Variants in TUBB8 observed in about 807,000 individuals in gnomAD.
TUBB8 encodes the protein tubulin beta-8 chain.
Under a neutral mutation model 33.7 loss-of-function variants are expected in TUBB8, and 25 were observed. The ratio of observed to expected loss-of-function variants is 0.74; its 90% CI spans 0.54 to 1.04. The LOEUF (loss-of-function observed/expected upper bound fraction) is 1.04, where lower values mean the gene tolerates loss of function less well. Ranked by LOEUF, TUBB8 falls within the 50% of genes least tolerant of loss-of-function variation. The pLI, the probability that TUBB8 is intolerant of heterozygous loss-of-function variation, is 0.00. For synonymous variants in TUBB8, 245 were observed against 240.1 expected, an observed-to-expected ratio of 1.02 and a Z score of -0.19; for missense variants, 279 against 608.0, an observed-to-expected ratio of 0.46 and a Z score of 5.69.
intron 1 of TUBB8, among the ~76,000 whole-genome samples, chr10:60,412 C>T (rs1397009861): frequency 1.3e-5 from 2 of 152,022 alleles, no homozygotes; most frequent in African/African-American, 4.8e-5. Flanking sequence ...AAAAAGTGGG[C>T]AAAGGACATG....
chr10:71,269 C>T (rs1834732331), intron 1 of TUBB8, among the ~76,000 whole-genome samples: 2 of 151,434 alleles, frequency 1.3e-5, no homozygotes, highest in African/African-American at 2.4e-5. Flanking sequence ...GAGCGGAGAT[C>T]GTGCCACTAC....
chr10:64,138 T>C (rs1281628269), intron 1 of TUBB8, among the ~76,000 whole-genome samples: 1 of 152,002 alleles, frequency 6.6e-6, no homozygotes, highest in Non-Finnish European at 1.5e-5. Context: ...GGAGCTGGAG[T>C]TGGGGTAACA....
At chr10:57,350 G>A (rs1183623436) in intron 1 of TUBB8, among the ~76,000 whole-genome samples, 8 of 150,124 alleles carry the variant, frequency 5.3e-5, no homozygotes, top group Admixed American at 1.3e-4. Flanking sequence ...CCATGCCCCA[G>A]TAGGCAGCCC....
chr10:72,746 G>A (rs1221943801), intron 1 of TUBB8, among the ~76,000 whole-genome samples: 6 of 151,760 alleles, frequency 4.0e-5, no homozygotes. Flanking sequence ...CCAGTTCTTG[G>A]GGAGGCTGAG....
chr10:67,308 T>C (rs1187031130), intron 1 of TUBB8, among the ~76,000 whole-genome samples: 1 of 152,270 alleles, frequency 6.6e-6, no homozygotes, highest in African/African-American at 2.4e-5. Context: ...ACTGCCACCT[T>C]AAGAATTATT....
Sources: allele counts gnomAD v4.1 joint callset (sites outside exome capture counted in the v4.1 genomes callset), GRCh38; gene constraint gnomAD v4.1.1; transcripts MANE v1.5; gene names NCBI Gene and HGNC (gene_info 2026-07-23, HGNC 2026-07-21).